ANKRD30B: variants seen among roughly 807,000 people sequenced by gnomAD.
ANKRD30B encodes the protein ankyrin repeat domain-containing protein 30B.
A neutral mutation model predicts 202.2 loss-of-function variants in ANKRD30B; 144 were observed. The observed-to-expected ratio is 0.71, with a 90% CI of 0.62 to 0.82. ANKRD30B has a LOEUF of 0.82. Ranked by LOEUF, ANKRD30B falls within the 40% of genes least tolerant of loss-of-function variation. The pLI is 0.00. For synonymous variants in ANKRD30B, 508 were observed against 561.3 expected (o/e 0.91, Z 1.34); for missense variants, 1,487 against 1,669.1 (o/e 0.89, Z 1.90).
intron 16 of ANKRD30B, among the ~76,000 whole-genome samples, chr18:14,795,642 A>G (rs181740526): frequency 6.6e-6 from 1 of 152,342 alleles, no homozygotes; most frequent in East Asian, 1.9e-4. Flanking sequence ...ATAAACTTTT[A>G]TTCTATAAGT....
At chr18:14,751,900 G>A (rs1913515406) in intron 1 of ANKRD30B, among the ~76,000 whole-genome samples, 1 of 152,080 alleles carries the variant, frequency 6.6e-6, no homozygotes, top group South Asian at 2.1e-4. Context: ...ATTGTGTGAT[G>A]CCTCTTTATT....
At chr18:14,874,746 C>T in the ANKRD30B span, among the ~76,000 whole-genome samples, 4 of 152,220 alleles carry the variant, frequency 2.6e-5, no homozygotes, top group Non-Finnish European at 4.4e-5. Context: ...GCTTATCTAT[C>T]CCTGTTCTTC....
At chr18:14,791,288 G>C in intron 15 of ANKRD30B, 113 bp from the exon 16 acceptor site, 1 of 855,124 alleles carries the variant, frequency 1.2e-6, no homozygotes, top group South Asian at 1.6e-5. Context: ...AAGTCGAATT[G>C]TTTGCAAACT....
chr18:14,790,860 G>A (rs1351314093), intron 15 of ANKRD30B, among the ~76,000 whole-genome samples: 1 of 151,724 alleles, frequency 6.6e-6, no homozygotes, highest in East Asian at 1.9e-4. Context: ...TCTTTTTTTT[G>A]TTGTGTCTCT....
At chr18:14,800,190 C>T (rs1331031196) in intron 22 of ANKRD30B, among the ~76,000 whole-genome samples, 1 of 151,044 alleles carries the variant, frequency 6.6e-6, no homozygotes, top group East Asian at 1.9e-4. Flanking sequence ...CAAGCTTGTG[C>T]CACTTTAGCC....
At chr18:14,873,954 C>T in the ANKRD30B span, among the ~76,000 whole-genome samples, 6 of 152,246 alleles carry the variant, frequency 3.9e-5, no homozygotes, top group Admixed American at 6.5e-5. Flanking sequence ...GGGAAACACC[C>T]GGCATGGCAA....
chr18:14,920,987 CTTGG>C, the ANKRD30B span, among the ~76,000 whole-genome samples: 1 of 152,322 alleles, frequency 6.6e-6, no homozygotes, highest in African/African-American at 2.4e-5. Context: ...ACTTGACATT[CTTGG>C]CTCTGTGGAC....
chr18:14,841,936 GAT>G (rs1971435661), intron 37 of ANKRD30B, among the ~76,000 whole-genome samples: 4 of 152,172 alleles, frequency 2.6e-5, no homozygotes, highest in Admixed American at 2.0e-4. Context: ...TCAAATGAGA[GAT>G]ATTTGAATCT....
At chr18:14,846,248 T>G (rs1010446828) in intron 39 of ANKRD30B, among the ~76,000 whole-genome samples, 2 of 152,068 alleles carry the variant, frequency 1.3e-5, no homozygotes, top group Non-Finnish European at 2.9e-5. Context: ...ATTTTTCTTT[T>G]TACTATTTTT....
chr18:14,761,664 C>G (rs76306267), intron 6 of ANKRD30B, among the ~76,000 whole-genome samples: 39 of 152,306 alleles, frequency 2.6e-4, no homozygotes, highest in African/African-American at 9.1e-4. Context: ...TAAAATGTTT[C>G]CCACAAGCCT....
At position 14,768,396 on chromosome 18, in the gene ANKRD30B, T is replaced by C. The variant is rs116461031; in HGVS notation, c.1226-947T>C. The stretch of plus-strand genomic sequence containing the variant: ...TCCCTTAGTATTTGGGGCACTCTAG[T>C]ACGTTAATCAAACCCAAAGAGGGAG... On this transcript the variant is annotated intron_variant, in intron 7 of 43. Transcript: ENST00000690538. 8.6e-3 allele frequency among the ~76,000 whole-genome samples: 1,311 copies of C among 152,236 alleles called. 26 individuals carry two copies. Among genetic ancestry groups the C allele is most frequent in the African/African-American group, 0.03 (1,251 of 41,538 alleles).
At chr18:14,892,590 A>G in the ANKRD30B span, among the ~76,000 whole-genome samples, 14 of 151,836 alleles carry the variant, frequency 9.2e-5, no homozygotes, top group African/African-American at 3.1e-4. Flanking sequence ...AATACAAAAA[A>G]TTATCCGGGT....
chr18:14,755,028 CT>C, intron 4 of ANKRD30B, 23 bp downstream of exon 4: 1 of 1,272,012 alleles, frequency 7.9e-7, no homozygotes, highest in Non-Finnish European at 1.0e-6. Context: ...TTTTTTTTTA[CT>C]AAAAAACACT....
the ANKRD30B span, among the ~76,000 whole-genome samples, chr18:14,870,651 C>T: frequency 1.3e-5 from 2 of 152,162 alleles, no homozygotes; most frequent in Non-Finnish European, 2.9e-5. Flanking sequence ...TGCCTACACC[C>T]TCTTCTATCT....
chr18:14,862,596 G>A, the ANKRD30B span, among the ~76,000 whole-genome samples: 3 of 152,182 alleles, frequency 2.0e-5, no homozygotes, highest in Admixed American at 6.5e-5. Context: ...GTGCCAACAG[G>A]AAATATGGGA....
intron 16 of ANKRD30B, among the ~76,000 whole-genome samples, 181 bp downstream of exon 16, chr18:14,791,672 G>A (rs192884176): frequency 1.1e-3 from 164 of 152,220 alleles, no homozygotes; most frequent in African/African-American, 3.8e-3. Flanking sequence ...TATATTGAGA[G>A]TGCTGAAAAG....
At chr18:14,841,352 A>G (rs1375945875) in intron 37 of ANKRD30B, among the ~76,000 whole-genome samples, 2 of 152,012 alleles carry the variant, frequency 1.3e-5, no homozygotes, top group African/African-American at 4.8e-5. Flanking sequence ...TTTTTAATAA[A>G]TTCTCAAGTG....
intron 12 of ANKRD30B, among the ~76,000 whole-genome samples, chr18:14,783,967 T>C (rs192401018): frequency 2.0e-5 from 3 of 152,142 alleles, no homozygotes; most frequent in South Asian, 2.1e-4. Flanking sequence ...TTTCCAAAGA[T>C]AGGCCATATT....
chr18:14,819,634 G>T (rs1970305692), intron 30 of ANKRD30B, among the ~76,000 whole-genome samples: 1 of 151,896 alleles, frequency 6.6e-6, no homozygotes. Flanking sequence ...TTTCCCCATT[G>T]CTTGTTTTTC....
Sources: gnomAD v4.1 joint callset for allele counts (sites outside exome capture counted in the v4.1 genomes callset) on GRCh38, gnomAD v4.1.1 for gene constraint, MANE v1.5 for transcripts, NCBI Gene and HGNC (gene_info 2026-07-23, HGNC 2026-07-21) for gene names.